MICU2: variants seen among roughly 807,000 people sequenced by gnomAD.
The protein encoded by MICU2 is calcium uptake protein 2, mitochondrial.
A neutral mutation model predicts 60.4 loss-of-function variants in MICU2; 64 were observed. The observed-to-expected ratio is 1.06, with a 90% CI of 0.87 to 1.31. The LOEUF is 1.31. MICU2 is among the 50% of genes most tolerant of loss of function. The probability of loss-of-function intolerance (pLI) is 0.00; values close to 1 mark genes in which losing one functional copy is unlikely to be tolerated. For missense variants in MICU2, 569 were observed against 531.0 expected (o/e 1.07, Z -0.70); for synonymous variants, 201 against 175.0 (o/e 1.15, Z -1.17).
chr13:21,569,822 A>G (rs1439769000), intron 1 of MICU2, among the ~76,000 whole-genome samples: 1 of 151,806 alleles, frequency 6.6e-6, no homozygotes, highest in East Asian at 1.9e-4. Context: ...GTTTTACAAA[A>G]AAAAAAAACA....
At chr13:21,521,370 C>T in intron 5 of MICU2, 43 bp from the exon 6 acceptor site, 1 of 1,536,348 alleles carries the variant, frequency 6.5e-7, no homozygotes, top group East Asian at 2.3e-5. Context: ...TTGATGAAAA[C>T]CAAGTTATTT....
At chr13:21,601,724 T>C (rs1330888974) in intron 1 of MICU2, among the ~76,000 whole-genome samples, 3 of 152,174 alleles carry the variant, frequency 2.0e-5, no homozygotes, top group African/African-American at 7.2e-5. Context: ...GTTCTAGGGA[T>C]AGTGAGTGAA....
At chr13:21,498,044 T>G (rs547896980) in intron 9 of MICU2, among the ~76,000 whole-genome samples, 1 of 152,176 alleles carries the variant, frequency 6.6e-6, no homozygotes, top group African/African-American at 2.4e-5. Context: ...TGTCAGCCAT[T>G]GTGTCCAGCT....
intron 9 of MICU2, among the ~76,000 whole-genome samples, chr13:21,502,028 T>C (rs1043378569): frequency 6.6e-5 from 10 of 152,206 alleles, no homozygotes; most frequent in African/African-American, 1.9e-4. Context: ...ATTACACTTA[T>C]AGACTAACTG....
chr13:21,567,301 TAGAG>T (rs1888008808), intron 1 of MICU2, among the ~76,000 whole-genome samples: 1 of 152,082 alleles, frequency 6.6e-6, no homozygotes, highest in Non-Finnish European at 1.5e-5. Flanking sequence ...AGGTAACACT[TAGAG>T]AGATTAAACG....
chr13:21,556,327 C>G (rs994495044), intron 2 of MICU2, among the ~76,000 whole-genome samples: 2 of 152,140 alleles, frequency 1.3e-5, no homozygotes, highest in African/African-American at 4.8e-5. Flanking sequence ...CAACACTCTG[C>G]TTTCCTGGTT....
At chr13:21,553,975 GAACT>G (rs1215110655) in intron 2 of MICU2, among the ~76,000 whole-genome samples, 6 of 152,052 alleles carry the variant, frequency 3.9e-5, no homozygotes, top group African/African-American at 9.7e-5. Context: ...TCAACAAGAA[GAACT>G]AACTATCCTA....
At chr13:21,596,623 C>T (rs1292757229) in intron 1 of MICU2, among the ~76,000 whole-genome samples, 4 of 152,006 alleles carry the variant, frequency 2.6e-5, no homozygotes, top group Non-Finnish European at 5.9e-5. Flanking sequence ...GGGGTTTCAC[C>T]ACGTTGGCCA....
intron 1 of MICU2, among the ~76,000 whole-genome samples, chr13:21,584,799 A>G (rs1365115247): frequency 6.6e-6 from 1 of 152,196 alleles, no homozygotes; most frequent in African/African-American, 2.4e-5. Flanking sequence ...AAACATTTAA[A>G]TTCATATACT....
chr13:21,564,525 G>A (rs1026260503), intron 2 of MICU2, among the ~76,000 whole-genome samples: 2 of 152,184 alleles, frequency 1.3e-5, no homozygotes, highest in African/African-American at 2.4e-5. Flanking sequence ...ATGATCAGCT[G>A]TCAGTCTTTC....
At chr13:21,590,272 G>A (rs576082849) in intron 1 of MICU2, among the ~76,000 whole-genome samples, 22 of 152,284 alleles carry the variant, frequency 1.4e-4, no homozygotes, top group African/African-American at 5.3e-4. Context: ...AGCCAGAAGA[G>A]ACTGAGGGCC....
intron 10 of MICU2, chr13:21,495,564 T>A: frequency 2.8e-6 from 1 of 357,944 alleles, no homozygotes; most frequent in Admixed American, 4.4e-5. Flanking sequence ...TTGAGATGAA[T>A]CTTGCTCGTC....
chr13:21,591,732 C>T (rs1309371508), intron 1 of MICU2, among the ~76,000 whole-genome samples: 1 of 152,150 alleles, frequency 6.6e-6, no homozygotes, highest in Non-Finnish European at 1.5e-5. Flanking sequence ...CTCAAAACCA[C>T]ACAATTTCAT....
At position 21,566,950 on chromosome 13, in the gene MICU2, A is replaced by C; in HGVS notation, c.211-6T>G. 1 of 1,590,128 alleles carries C rather than the reference A, an allele frequency of 6.3e-7. No homozygotes were observed. The highest frequency in any genetic ancestry group is 8.5e-7 in the Non-Finnish European group (1 of 1,171,498). The stretch of plus-strand genomic sequence containing the variant: ...ATTCCATGTTCAACATTTTTCTAAA[A>C]GAAAAATAAATTGCAATTGAAGATT... On this transcript the variant is annotated splice_region_variant and splice_polypyrimidine_tract_variant and intron_variant, in intron 1 of 11. Transcript: ENST00000382374.
intron 1 of MICU2, among the ~76,000 whole-genome samples, chr13:21,579,745 C>G (rs1431915043): frequency 6.6e-6 from 1 of 151,942 alleles, no homozygotes; most frequent in African/African-American, 2.4e-5. Flanking sequence ...CTTATTCTTT[C>G]TGAAATATTT....
intron 4 of MICU2, among the ~76,000 whole-genome samples, chr13:21,527,351 A>G (rs1373854171): frequency 1.3e-5 from 2 of 152,228 alleles, no homozygotes; most frequent in Admixed American, 1.3e-4. Flanking sequence ...TTGATGCCAG[A>G]AGGAGGCCTT....
intron 2 of MICU2, among the ~76,000 whole-genome samples, chr13:21,543,501 C>G (rs1887332866): frequency 6.6e-6 from 1 of 152,110 alleles, no homozygotes; most frequent in African/African-American, 2.4e-5. Context: ...ATAGAAAAAT[C>G]AGTAGCATTT....
At chr13:21,496,957 G>A (rs1254806227) in intron 9 of MICU2, among the ~76,000 whole-genome samples, 2 of 152,140 alleles carry the variant, frequency 1.3e-5, no homozygotes, top group African/African-American at 4.8e-5. Context: ...AGCTACTTGG[G>A]AGGCTGAGGC....
chr13:21,551,477 T>C (rs1277797617), intron 2 of MICU2: 2 of 152,086 alleles, frequency 1.3e-5, no homozygotes, highest in Admixed American at 6.5e-5. Context: ...AGGGTACATG[T>C]GCACAATGTG....
Sources: allele counts gnomAD v4.1 joint callset (sites outside exome capture counted in the v4.1 genomes callset), GRCh38; gene constraint gnomAD v4.1.1; transcripts MANE v1.5; gene names NCBI Gene and HGNC (gene_info 2026-07-23, HGNC 2026-07-21).